MTMR2: variants seen among roughly 807,000 people sequenced by gnomAD.
MTMR2 encodes the protein myotubularin related protein 2, also known as phosphatidylinositol-3,5-bisphosphate 3-phosphatase MTMR2.
In MTMR2, 55 loss-of-function variants were observed where a neutral mutation model predicts 86.9. The ratio of observed to expected loss-of-function variants is 0.63; its 90% CI spans 0.51 to 0.79. The LOEUF (loss-of-function observed/expected upper bound fraction) is 0.79. Among genes scored for constraint, MTMR2 ranks in the 30% least tolerant of loss-of-function variants. MTMR2 has a pLI of 0.00. For synonymous variants in MTMR2, 241 were observed against 266.8 expected (o/e 0.90, Z 0.94); for missense variants, 659 against 772.3 (o/e 0.85, Z 1.74).
At chr11:95,849,196 A>G (rs1194725557) in intron 9 of MTMR2, among the ~76,000 whole-genome samples, 1 of 152,150 alleles carries the variant, frequency 6.6e-6, no homozygotes, top group Non-Finnish European at 1.5e-5. Context: ...ACAATCAGCT[A>G]CAGCTAACTG....
chr11:95,866,105 C>G (rs976270044), intron 2 of MTMR2, among the ~76,000 whole-genome samples: 2 of 152,134 alleles, frequency 1.3e-5, no homozygotes, highest in Admixed American at 6.5e-5. Context: ...GGCCATAGTA[C>G]ATTTAAACTC....
intron 1 of MTMR2, among the ~76,000 whole-genome samples, chr11:95,895,803 G>A (rs373041063): frequency 2.1e-4 from 32 of 152,012 alleles, no homozygotes; most frequent in Middle Eastern, 3.4e-3. Flanking sequence ...AAAAACCCAC[G>A]ATTATTTACC....
Position 95,833,639 on chromosome 11 carries a change from T to G in MTMR2, c.*1651A>C, listed in dbSNP as rs1016220527. 6.6e-6 allele frequency: 1 copy of G among 152,152 alleles called. No homozygotes were observed. The highest frequency in any genetic ancestry group is 1.5e-5 in the Non-Finnish European group (1 of 68,006). 9.4% of individuals were successfully genotyped at this position (152,152 alleles called of 1,614,324 possible). On this transcript the variant is annotated 3_prime_UTR_variant, in exon 15 of 15. Coordinates refer to ENST00000346299, the MANE Select transcript of MTMR2 (RefSeq NM_016156.6). ...TGTTAAGACTAGAAGCTTTAAATTC[T>G]TGATCTCTTCAGCCATTCTACATTC... is the stretch of plus-strand genomic sequence containing the variant.
intron 1 of MTMR2, chr11:95,914,339 G>A (rs1866621901): frequency 3.1e-6 from 3 of 972,636 alleles, no homozygotes; most frequent in Non-Finnish European, 3.7e-6. Context: ...AGGAACTTAG[G>A]GGAATTCAGA....
At chr11:95,864,310 G>A (rs116114169) in intron 3 of MTMR2, among the ~76,000 whole-genome samples, 1 of 152,232 alleles carries the variant, frequency 6.6e-6, no homozygotes, top group African/African-American at 2.4e-5. Flanking sequence ...TGAAGTCCTA[G>A]GGCGTGTTGC....
At chr11:95,898,956 G>A (rs774395840) in intron 1 of MTMR2, among the ~76,000 whole-genome samples, 10 of 152,118 alleles carry the variant, frequency 6.6e-5, no homozygotes, top group South Asian at 2.1e-4. Context: ...GGCATACAGC[G>A]TACTTATAAT....
chr11:95,905,331 G>GCGCGCGCGCGCGCGCGCACACA (rs928252045), intron 1 of MTMR2, among the ~76,000 whole-genome samples: 2 of 148,098 alleles, frequency 1.4e-5, no homozygotes, highest in South Asian at 2.2e-4. Flanking sequence ...ACGCACCTGC[G>GCGCGCGCGCGCGCGCGCACACA]CACACACACA....
intron 13 of MTMR2, among the ~76,000 whole-genome samples, chr11:95,837,846 C>G (rs1863353731): frequency 6.6e-6 from 1 of 152,030 alleles, no homozygotes; most frequent in Non-Finnish European, 1.5e-5. Flanking sequence ...CTTCAGTTCT[C>G]TTTAGCAGAA....
intron 1 of MTMR2, among the ~76,000 whole-genome samples, chr11:95,889,215 C>A (rs1273491430): frequency 6.6e-6 from 1 of 151,552 alleles, no homozygotes; most frequent in Admixed American, 6.6e-5. Flanking sequence ...GTCACTGCAA[C>A]CTCCGCCTCC....
At chr11:95,871,489 GTGA>G (rs1224986033) in intron 2 of MTMR2, among the ~76,000 whole-genome samples, 7 of 152,210 alleles carry the variant, frequency 4.6e-5, no homozygotes, top group African/African-American at 1.7e-4. Flanking sequence ...CTGATGGCCA[GTGA>G]TGATGAGCAT....
At chr11:95,845,182 C>T (rs1863733059) in intron 10 of MTMR2, 23 bp from the exon 11 acceptor site, 3 of 1,576,958 alleles carry the variant, frequency 1.9e-6, no homozygotes, top group African/African-American at 1.3e-5. Flanking sequence ...TTTTTTAATA[C>T]ATTGTTTTTA....
intron 1 of MTMR2, among the ~76,000 whole-genome samples, chr11:95,900,202 G>T (rs1866021147): frequency 6.6e-6 from 1 of 152,094 alleles, no homozygotes; most frequent in African/African-American, 2.4e-5. Flanking sequence ...TTGAACTTGA[G>T]GTTCTTGCAA....
At chr11:95,882,407 G>A (rs1865359884) in intron 2 of MTMR2, 1 of 152,194 alleles carries the variant, frequency 6.6e-6, no homozygotes, top group African/African-American at 2.4e-5. Context: ...GCTGAGGCAG[G>A]AGAATCGCTT....
At chr11:95,913,887 A>G (rs1444875440) in intron 1 of MTMR2, among the ~76,000 whole-genome samples, 1 of 152,214 alleles carries the variant, frequency 6.6e-6, no homozygotes, top group African/African-American at 2.4e-5. Flanking sequence ...ACACATCAAT[A>G]GCTGGAAAGC....
chr11:95,849,154 A>G (rs561488242), intron 9 of MTMR2, among the ~76,000 whole-genome samples: 95 of 152,246 alleles, frequency 6.2e-4, no homozygotes, highest in African/African-American at 2.1e-3. Flanking sequence ...CAAAATTTCA[A>G]TTTCCACAAT....
Position 95,841,676 on chromosome 11 carries a change from C to T in MTMR2, c.1420G>A (p.Ala474Thr), listed in dbSNP as rs202119906. Reference sequence around the variant, plus strand: ...TGAAGAAAAACAGGCGATCTGTCTGCATCTGCATGGTTCTTATCTCCATGG... The same window carrying T: ...TGAAGAAAAACAGGCGATCTGTCTGTATCTGCATGGTTCTTATCTCCATGG... ...VGHGDKNHADADRSPVFLQFI... is the reference protein window; with the variant it reads ...VGHGDKNHADTDRSPVFLQFI... The change falls in exon 12 of 15, where the codon GCA becomes ACA. Residue 474 changes from alanine (A) to threonine (T), a missense_variant. Coordinates refer to ENST00000346299, the MANE Select transcript of MTMR2 (RefSeq NM_016156.6). The T allele has an allele frequency of 6.2e-7, 1 of 1,613,796 alleles. No individual in the cohort carries two copies. Among genetic ancestry groups the T allele is most frequent in the East Asian group, 2.2e-5 (1 of 44,866 alleles).
In MTMR2 at chr11:95,850,720, T is replaced by C. The variant is rs116484470; in HGVS notation, c.684A>G (p.Thr228=). 6.2e-7 allele frequency: 1 copy of C among 1,614,120 alleles called. No homozygotes were observed. Among genetic ancestry groups the C allele is most frequent in the African/African-American group, 1.3e-5 (1 of 75,072 alleles). Residue 228 remains threonine, a synonymous_variant, in exon 8 of 15, where the codon ACA becomes ACG. Transcript: ENST00000346299. Reference sequence around the variant, plus strand: ...AAAGTTCATATCGTTCATTTATCTTTGTTATTCTCCAGCTTTCATTTGGAA... The same window carrying C: ...AAAGTTCATATCGTTCATTTATCTTCGTTATTCTCCAGCTTTCATTTGGAA... The part of the protein sequence containing the change: ...QGIPNESWRI[T]KINERYELCD...
rs200285624 is a variant in MTMR2, at chr11:95,841,665, C to T, written c.1431G>A (p.Ser477=). 205 of 1,613,706 alleles carry T rather than the reference C, an allele frequency of 1.3e-4. No homozygotes were observed. Among genetic ancestry groups the T allele is most frequent in the East Asian group, 1.1e-3 (48 of 44,870 alleles). ...AGTCAATAAATTGAAGAAAAACAGG[C>T]GATCTGTCTGCATCTGCATGGTTCT... ...GDKNHADADR[S]PVFLQFIDCV... Residue 477 remains serine, a synonymous_variant, in exon 12 of 15, where the codon TCG becomes TCA. Transcript: ENST00000346299.
intron 2 of MTMR2, among the ~76,000 whole-genome samples, chr11:95,874,192 G>A (rs1201950746): frequency 6.6e-6 from 1 of 152,146 alleles, no homozygotes; most frequent in South Asian, 2.1e-4. Flanking sequence ...ATTGACAGTG[G>A]GGTGTTAAAG....
Sources: allele counts gnomAD v4.1 joint callset (sites outside exome capture counted in the v4.1 genomes callset), GRCh38; gene constraint gnomAD v4.1.1; transcripts MANE v1.5; gene names NCBI Gene and HGNC (gene_info 2026-07-23, HGNC 2026-07-21).